Variants in GALNT1 observed in about 807,000 individuals in gnomAD.
The protein encoded by GALNT1 is polypeptide N-acetylgalactosaminyltransferase 1.
GALNT1 carries 17 observed loss-of-function variants against 65.7 expected under a neutral mutation model. The observed-to-expected ratio is 0.26, with a 90% confidence interval of 0.18 to 0.39. GALNT1 has a LOEUF of 0.39. Among genes scored for constraint, GALNT1 ranks in the 10% least tolerant of loss-of-function variants. The probability of loss-of-function intolerance (pLI) is 1.00; values close to 1 mark genes in which losing one functional copy is unlikely to be tolerated. For synonymous variants in GALNT1, 210 were observed against 219.7 expected (o/e 0.96, Z 0.39); for missense variants, 460 against 672.8 (o/e 0.68, Z 3.50).
chr18:35,639,037 A>G (rs986344371), intron 1 of GALNT1, among the ~76,000 whole-genome samples: 5 of 152,226 alleles, frequency 3.3e-5, no homozygotes, highest in South Asian at 2.1e-4. Flanking sequence ...TGCTATGAAC[A>G]CAGTTGAAAT....
chr18:35,613,615 G>A (rs2046746559), intron 1 of GALNT1, among the ~76,000 whole-genome samples: 1 of 152,086 alleles, frequency 6.6e-6, no homozygotes, highest in South Asian at 2.1e-4. Context: ...GGTGTCTAGG[G>A]ATCAAGCAGT....
chr18:35,642,017 T>C (rs1004051358), intron 1 of GALNT1, among the ~76,000 whole-genome samples: 4 of 152,242 alleles, frequency 2.6e-5, no homozygotes, highest in African/African-American at 7.2e-5. Context: ...CTCTTACAGA[T>C]GCTTTCATGG....
At chr18:35,668,999 T>C (rs914445284) in intron 3 of GALNT1, among the ~76,000 whole-genome samples, 6 of 152,192 alleles carry the variant, frequency 3.9e-5, no homozygotes, top group Non-Finnish European at 8.8e-5. Context: ...CCCAGCACTA[T>C]GGGAGGCCGA....
At chr18:35,654,070 G>A (rs143356371) in intron 1 of GALNT1, among the ~76,000 whole-genome samples, 2 of 152,308 alleles carry the variant, frequency 1.3e-5, no homozygotes, top group African/African-American at 4.8e-5. Context: ...CAGTTGAAAT[G>A]CACTGGGAAT....
intron 1 of GALNT1, among the ~76,000 whole-genome samples, chr18:35,635,144 G>A (rs2047072701): frequency 6.6e-6 from 1 of 152,140 alleles, no homozygotes; most frequent in South Asian, 2.1e-4. Context: ...AAGGTAAATG[G>A]TAGAGTGGGT....
At chr18:35,671,956 C>T (rs1371787779) in intron 3 of GALNT1, among the ~76,000 whole-genome samples, 2 of 152,216 alleles carry the variant, frequency 1.3e-5, no homozygotes, top group Non-Finnish European at 2.9e-5. Context: ...TATGCATATA[C>T]TAGAGCTTCT....
intron 11 of GALNT1, 52 bp from the exon 12 acceptor site, chr18:35,709,572 T>C: frequency 6.3e-7 from 1 of 1,590,944 alleles, no homozygotes; most frequent in Non-Finnish European, 8.6e-7. Flanking sequence ...AAACTGATGC[T>C]TGAGGTGTTT....
At chr18:35,675,296 A>T (rs1400028499) in intron 3 of GALNT1, among the ~76,000 whole-genome samples, 2 of 152,114 alleles carry the variant, frequency 1.3e-5, no homozygotes, top group South Asian at 2.1e-4. Context: ...GAGGTTAATT[A>T]TGGTTGTTTA....
At chr18:35,706,768 G>A (rs533503555) in intron 11 of GALNT1, among the ~76,000 whole-genome samples, 33 of 152,284 alleles carry the variant, frequency 2.2e-4, no homozygotes, top group Middle Eastern at 3.4e-3. Flanking sequence ...AACAGCCTGA[G>A]CAGACTACAG....
chr18:35,628,893 C>T (rs1434199160), intron 1 of GALNT1, among the ~76,000 whole-genome samples: 2 of 152,210 alleles, frequency 1.3e-5, no homozygotes, highest in Non-Finnish European at 2.9e-5. Context: ...GAGCTGAAAA[C>T]CACAGCACGA....
Position 35,654,920 on chromosome 18 carries a change from G to A in GALNT1, c.139+119G>A, listed in dbSNP as rs111333497. 1,285 of 680,310 alleles carry A rather than the reference G, an allele frequency of 1.9e-3. 23 individuals carry two copies. In the African/African-American group the frequency reaches 0.022, roughly 12 times the overall value. 42.1% of individuals were successfully genotyped at this position (680,310 alleles called of 1,614,324 possible). On this transcript the variant is annotated intron_variant, in intron 2 of 11. Coordinates refer to ENST00000269195, the MANE Select transcript of GALNT1 (RefSeq NM_020474.4). ...TTAACTGTAGTCTGTGACTTCCTGT[G>A]GGAGATATGAGGATCATATTGATAG...
At chr18:35,665,618 T>TGA (rs1264489176) in intron 3 of GALNT1, among the ~76,000 whole-genome samples, 1 of 152,186 alleles carries the variant, frequency 6.6e-6, no homozygotes, top group Non-Finnish European at 1.5e-5. Context: ...ACAGGTTTCT[T>TGA]AAGAGGCGAA....
At chr18:35,684,245 T>G (rs186224750) in intron 5 of GALNT1, among the ~76,000 whole-genome samples, 1 of 152,224 alleles carries the variant, frequency 6.6e-6, no homozygotes, top group African/African-American at 2.4e-5. Context: ...AGACTGTCCA[T>G]GTTTAGATTT....
rs896995999 is a variant in GALNT1 at position 35,692,389 on chromosome 18, GAGTT to G, written c.1299+75_1299+78del. 1.7e-5 allele frequency: 17 copies of G among 1,028,662 alleles called. No individual in the cohort carries two copies. In the African/African-American group the frequency reaches 2.2e-4, roughly 13 times the overall value. 63.7% of individuals were successfully genotyped at this position (1,028,662 alleles called of 1,614,324 possible). The stretch of plus-strand genomic sequence containing the variant: ...TTACTTTTTTATTAAAAAAAAATAG[GAGTT>G]AGTTAAACTTCCAATAAGGAAAGTA... On this transcript the variant is annotated intron_variant, in intron 9 of 11. Transcript: ENST00000269195.
intron 10 of GALNT1, 96 bp from the exon 11 acceptor site, chr18:35,703,413 C>G (rs1434786236): frequency 1.7e-6 from 2 of 1,146,242 alleles, no homozygotes; most frequent in Non-Finnish European, 2.5e-6. Flanking sequence ...AATCATGTAC[C>G]TTGAAATACT....
At chr18:35,663,230 A>C (rs1488860627) in intron 2 of GALNT1, among the ~76,000 whole-genome samples, 1 of 152,176 alleles carries the variant, frequency 6.6e-6, no homozygotes, top group Non-Finnish European at 1.5e-5. Context: ...TGCAAGATGA[A>C]GTACTGTGGG....
intron 1 of GALNT1, among the ~76,000 whole-genome samples, chr18:35,598,038 C>T (rs1298194980): frequency 1.6e-5 from 2 of 122,448 alleles, no homozygotes; most frequent in Non-Finnish European, 3.5e-5. Context: ...CCTCCCATCC[C>T]CTCCCCTCCC....
chr18:35,671,923 A>G (rs1457510881), intron 3 of GALNT1, among the ~76,000 whole-genome samples: 2 of 152,150 alleles, frequency 1.3e-5, no homozygotes, highest in South Asian at 2.1e-4. Flanking sequence ...ATTTCCTCCA[A>G]TCTGTTCTTT....
chr18:35,658,731 A>T (rs1459511744), intron 2 of GALNT1, among the ~76,000 whole-genome samples: 1 of 149,482 alleles, frequency 6.7e-6, no homozygotes, highest in Non-Finnish European at 1.5e-5. Flanking sequence ...TTTTTTAAAG[A>T]CAGAGTCTTA....
Sources: allele counts gnomAD v4.1 joint callset (sites outside exome capture counted in the v4.1 genomes callset), GRCh38; gene constraint gnomAD v4.1.1; transcripts MANE v1.5; gene names NCBI Gene and HGNC (gene_info 2026-07-23, HGNC 2026-07-21).